MIPOL1: variants seen among roughly 807,000 people sequenced by gnomAD.
MIPOL1 encodes the protein mirror-image polydactyly gene 1 protein.
Under a neutral mutation model 60.9 loss-of-function variants are expected in MIPOL1, and 57 were observed. That is an observed-to-expected ratio of 0.94 (90% CI 0.76 to 1.17). The LOEUF (loss-of-function observed/expected upper bound fraction) is 1.17. Among genes scored for constraint, MIPOL1 ranks in the 50% most tolerant of loss-of-function variants. The pLI, the probability that MIPOL1 is intolerant of heterozygous loss-of-function variation, is 0.00. For synonymous variants in MIPOL1, 179 were observed against 168.8 expected, an observed-to-expected ratio of 1.06 and a Z score of -0.47; for missense variants, 551 against 511.6, an observed-to-expected ratio of 1.08 and a Z score of -0.74.
chr14:37,398,050 G>A (rs2093410663), intron 10 of MIPOL1, among the ~76,000 whole-genome samples: 1 of 152,150 alleles, frequency 6.6e-6, no homozygotes, highest in Admixed American at 6.5e-5. Flanking sequence ...TCCCTGTGGT[G>A]TTTTCTTCTG....
At chr14:37,388,429 G>A (rs959578682) in intron 10 of MIPOL1, among the ~76,000 whole-genome samples, 6 of 150,788 alleles carry the variant, frequency 4.0e-5, no homozygotes, top group Non-Finnish European at 7.4e-5. Context: ...CGTTCACATA[G>A]TTGAAAAGAC....
chr14:37,397,976 G>A (rs1050762528), intron 10 of MIPOL1, among the ~76,000 whole-genome samples: 2 of 152,148 alleles, frequency 1.3e-5, no homozygotes, highest in African/African-American at 4.8e-5. Flanking sequence ...CCTCCTGTGA[G>A]TTCTGGCCAG....
chr14:37,256,725 A>G (rs1974983834), intron 3 of MIPOL1, among the ~76,000 whole-genome samples: 1 of 124,840 alleles, frequency 8.0e-6, no homozygotes, highest in Admixed American at 8.1e-5. Context: ...GCAGTCTTTG[A>G]TCTCTTGAGA....
Position 37,416,375 on chromosome 14 carries a change from T to A in MIPOL1, c.937-6480T>A, listed in dbSNP as rs113941709. Among the ~76,000 whole-genome samples, 485 of 152,228 alleles carry A rather than the reference T, an allele frequency of 3.2e-3. 4 individuals carry two copies. The highest frequency in any genetic ancestry group is 0.031 in the Middle Eastern group (9 of 294). On this transcript the variant is annotated intron_variant, in intron 10 of 12. Coordinates refer to ENST00000684589, the MANE Select transcript of MIPOL1 (RefSeq NM_001388067.1). ...TTTGAGAAATGTATCCTTAGGTGAT[T>A]TCATCATTGTATGGGCATAATAGAG...
intron 7 of MIPOL1, among the ~76,000 whole-genome samples, chr14:37,297,344 T>C (rs906712144): frequency 3.9e-5 from 6 of 152,144 alleles, no homozygotes; most frequent in African/African-American, 1.4e-4. Flanking sequence ...CCACAGCCAG[T>C]ATCATACTGA....
At chr14:37,272,003 A>G (rs1314090764) in intron 6 of MIPOL1, among the ~76,000 whole-genome samples, 2 of 151,520 alleles carry the variant, frequency 1.3e-5, no homozygotes, top group Admixed American at 6.6e-5. Context: ...ATTTATTGGT[A>G]TATATTTAAG....
intron 1 of MIPOL1, among the ~76,000 whole-genome samples, chr14:37,241,987 T>C (rs1024016765): frequency 2.0e-5 from 3 of 147,680 alleles, no homozygotes; most frequent in Non-Finnish European, 3.0e-5. Context: ...CAATCAATCA[T>C]AACAAAGTAT....
intron 10 of MIPOL1, among the ~76,000 whole-genome samples, chr14:37,387,942 G>A (rs1256576989): frequency 6.6e-6 from 1 of 151,804 alleles, no homozygotes; most frequent in Non-Finnish European, 1.5e-5. Context: ...TAGAAATTAA[G>A]ATAATTGAAC....
intron 9 of MIPOL1, among the ~76,000 whole-genome samples, chr14:37,361,054 T>C (rs1483951266): frequency 1.3e-5 from 2 of 152,220 alleles, no homozygotes; most frequent in Admixed American, 1.3e-4. Context: ...ACATCTTTGT[T>C]TCTGCCTTCA....
At chr14:37,392,901 T>C (rs1252773386) in intron 10 of MIPOL1, among the ~76,000 whole-genome samples, 1 of 152,178 alleles carries the variant, frequency 6.6e-6, no homozygotes, top group African/African-American at 2.4e-5. Context: ...CCAAAAGATA[T>C]GTTCAAATCC....
intron 1 of MIPOL1, among the ~76,000 whole-genome samples, chr14:37,236,506 G>A (rs1017574626): frequency 1.3e-5 from 2 of 151,464 alleles, no homozygotes; most frequent in Non-Finnish European, 2.9e-5. Flanking sequence ...GTGCAATCTC[G>A]GCTCACTGCA....
chr14:37,290,144 T>C (rs1442379610), intron 7 of MIPOL1, among the ~76,000 whole-genome samples: 2 of 152,200 alleles, frequency 1.3e-5, no homozygotes, highest in African/African-American at 4.8e-5. Context: ...ATTGTAAAAA[T>C]GTTACTCGCT....
rs552915199 is a variant in MIPOL1 at position 37,468,550 on chromosome 14, A to G, written c.1032-31358A>G. 2.6e-5 allele frequency among the ~76,000 whole-genome samples: 4 copies of G among 152,340 alleles called. No individual in the cohort carries two copies. In the East Asian group the frequency reaches 5.8e-4, roughly 22 times the overall value. On this transcript the variant is annotated intron_variant, in intron 11 of 12. Transcript: ENST00000684589. ...ATCCATACCTTATCTTCTGCAGGGC[A>G]TATGCAAATCACAGATTCTTGTCAT... is the stretch of plus-strand genomic sequence containing the variant.
At position 37,551,058 on chromosome 14, in the gene MIPOL1, A is replaced by G. The variant is rs367706901; in HGVS notation, c.*4087A>G. The G allele has an allele frequency of 6.6e-6, 1 of 152,110 alleles. No individual in the cohort carries two copies. Among genetic ancestry groups the G allele is most frequent in the Non-Finnish European group, 1.5e-5 (1 of 67,978 alleles). The allele number at this position is 152,110 out of a possible 1,614,324, so 9.4% of individuals were successfully genotyped here. Reference sequence around the variant, plus strand: ...GAATCATTAAAATGTATACAATGATATTCCTTTGCAGAAGTCTTAATATGC... The same window carrying G: ...GAATCATTAAAATGTATACAATGATGTTCCTTTGCAGAAGTCTTAATATGC... On this transcript the variant is annotated 3_prime_UTR_variant, in exon 13 of 13. Transcript: ENST00000684589.
chr14:37,313,429 G>A (rs2087558507), intron 9 of MIPOL1, among the ~76,000 whole-genome samples: 1 of 152,216 alleles, frequency 6.6e-6, no homozygotes, highest in Middle Eastern at 3.4e-3. Flanking sequence ...GAGGCTTTGG[G>A]TCTTATTGGT....
At chr14:37,446,817 T>A (rs9796414) in intron 11 of MIPOL1, among the ~76,000 whole-genome samples, 1 of 151,806 alleles carries the variant, frequency 6.6e-6, no homozygotes, top group African/African-American at 2.4e-5. Flanking sequence ...AGCAAACTAT[T>A]GCAAGGACAA....
At chr14:37,221,902 C>T (rs1483084582) in intron 1 of MIPOL1, among the ~76,000 whole-genome samples, 1 of 152,086 alleles carries the variant, frequency 6.6e-6, no homozygotes, top group African/African-American at 2.4e-5. Context: ...TCATGTTCTT[C>T]TCATAAACAG....
chr14:37,218,939 AAAAG>A (rs1487656143), intron 1 of MIPOL1, among the ~76,000 whole-genome samples: 7 of 151,674 alleles, frequency 4.6e-5, no homozygotes, highest in African/African-American at 1.5e-4. Flanking sequence ...AAAAAAAAAA[AAAAG>A]AAAAAAGAAA....
intron 10 of MIPOL1, chr14:37,400,665 T>C (rs1336847396): frequency 6.6e-6 from 1 of 152,162 alleles, no homozygotes. Flanking sequence ...GAATGGAGGT[T>C]ATTTTTACTC....
Sources: gnomAD v4.1 joint callset for allele counts (sites outside exome capture counted in the v4.1 genomes callset) on GRCh38, gnomAD v4.1.1 for gene constraint, MANE v1.5 for transcripts, NCBI Gene and HGNC (gene_info 2026-07-23, HGNC 2026-07-21) for gene names.